FASTKD2: variants seen among roughly 807,000 people sequenced by gnomAD.
FASTKD2 encodes the protein FAST kinase domains 2, also known as FAST kinase domain-containing protein 2, mitochondrial.
A neutral mutation model predicts 63.6 loss-of-function variants in FASTKD2; 51 were observed. The ratio of observed to expected loss-of-function variants is 0.80; its 90% CI spans 0.64 to 1.01. The LOEUF (loss-of-function observed/expected upper bound fraction) is 1.01. FASTKD2 is among the 50% of genes least tolerant of loss of function. The pLI is 0.00. For synonymous variants in FASTKD2, 284 were observed against 293.4 expected, an observed-to-expected ratio of 0.97 and a Z score of 0.33; for missense variants, 786 against 831.1, an observed-to-expected ratio of 0.95 and a Z score of 0.67.
intron 10 of FASTKD2, 184 bp from the exon 11 acceptor site, chr2:206,790,388 A>G (rs1355860939): frequency 3.5e-6 from 2 of 570,232 alleles, no homozygotes; most frequent in African/African-American, 3.8e-5. Flanking sequence ...TTTGATTTAT[A>G]AAGTAGCCTT....
At chr2:206,774,688 GTTTAT>G (rs1206813796) in intron 7 of FASTKD2, among the ~76,000 whole-genome samples, 3 of 151,972 alleles carry the variant, frequency 2.0e-5, no homozygotes, top group Non-Finnish European at 4.4e-5. Flanking sequence ...TAAGTTCATA[GTTTAT>G]TTTAACTGTA....
At chr2:206,773,207 A>AG (rs1288397467) in intron 6 of FASTKD2, among the ~76,000 whole-genome samples, 2 of 147,798 alleles carry the variant, frequency 1.4e-5, no homozygotes, top group Admixed American at 6.8e-5. Flanking sequence ...CCCAGCTACT[A>AG]GGGGGGCTGA....
At chr2:206,788,762 AAAAG>A (rs951759597) in intron 9 of FASTKD2, 53 bp from the exon 10 acceptor site, 75 of 901,656 alleles carry the variant, frequency 8.3e-5, no homozygotes, top group East Asian at 6.3e-4. Context: ...AAAGAAAAGA[AAAAG>A]AAAGTCACTT....
Position 206,793,039 on chromosome 2 carries a change from C to T in FASTKD2, c.*1237C>T, listed in dbSNP as rs1442637672. On this transcript the variant is annotated 3_prime_UTR_variant, in exon 12 of 12. Transcript: ENST00000402774. ...GAGGTCAAGACAATCCTGGCCAACACGGTGAAACCCCATCTCTACTAAAAT... is the reference window on the plus strand; with the variant it reads ...GAGGTCAAGACAATCCTGGCCAACATGGTGAAACCCCATCTCTACTAAAAT... Among the ~76,000 whole-genome samples, 2 of 151,818 alleles carry T rather than the reference C, an allele frequency of 1.3e-5. No individual in the cohort carries two copies. The highest frequency in any genetic ancestry group is 2.4e-5 in the African/African-American group (1 of 41,312).
chr2:206,770,705 G>T (rs1419493883), intron 3 of FASTKD2, among the ~76,000 whole-genome samples: 2 of 150,016 alleles, frequency 1.3e-5, no homozygotes, highest in Non-Finnish European at 3.0e-5. Context: ...ACTCCAGCCT[G>T]GGCAACAGAG....
intron 6 of FASTKD2, among the ~76,000 whole-genome samples, chr2:206,773,790 A>C (rs1689750125): frequency 6.6e-6 from 1 of 152,122 alleles, no homozygotes; most frequent in Non-Finnish European, 1.5e-5. Context: ...TAAATATAGA[A>C]ATTTTGGGGT....
chr2:206,777,297 G>A (rs1399624500), intron 7 of FASTKD2, among the ~76,000 whole-genome samples: 1 of 152,120 alleles, frequency 6.6e-6, no homozygotes, highest in African/African-American at 2.4e-5. Context: ...CGAATATGAT[G>A]TTAGCTATGG....
intron 7 of FASTKD2, chr2:206,786,508 G>A (rs553561836): frequency 5.9e-6 from 3 of 509,072 alleles, no homozygotes; most frequent in Non-Finnish European, 1.1e-5. Flanking sequence ...GTTTTTTAGT[G>A]TGAGTTAAAT....
chr2:206,766,973 GGCATAA>G lies in FASTKD2; in HGVS notation c.284_289del (p.Ile95_Ser96del), dbSNP rs756692703. 4.3e-6 allele frequency: 7 copies of G among 1,611,752 alleles called. No homozygotes were observed. In the South Asian group the frequency reaches 7.7e-5, roughly 18 times the overall value. On this transcript the variant is annotated inframe_deletion, in exon 2 of 12. Transcript: ENST00000402774. The stretch of plus-strand genomic sequence containing the variant: ...ATCAGATGTTGGCTTTCAAACAAAG[GGCATAA>G]GCACTCTAACAGCCCTTAGAATTGA...
rs1304002801 is a variant in FASTKD2, at chr2:206,795,205, C to T, written c.*3403C>T. Among the ~76,000 whole-genome samples, 1 of 152,198 alleles carries T rather than the reference C, an allele frequency of 6.6e-6. No individual in the cohort carries two copies. The highest frequency in any genetic ancestry group is 1.5e-5 in the Non-Finnish European group (1 of 68,036). Reference sequence around the variant, plus strand: ...GTGTGGAGCTTCCTGGCCAGGAGGGCAGTGGCTGCCCAGAAGGCAGGAGAT... The same window carrying T: ...GTGTGGAGCTTCCTGGCCAGGAGGGTAGTGGCTGCCCAGAAGGCAGGAGAT... On this transcript the variant is annotated 3_prime_UTR_variant, in exon 12 of 12. Transcript: ENST00000402774.
chr2:206,791,606 C>T (rs1690287523), intron 11 of FASTKD2, 77 bp from the exon 12 acceptor site: 2 of 1,360,348 alleles, frequency 1.5e-6, no homozygotes, highest in South Asian at 1.2e-5. Context: ...TGTTACTTTA[C>T]TATGTTTGGA....
In FASTKD2 at chr2:206,772,162, AT is replaced by A. The variant is rs1186641636; in HGVS notation, c.1115-16del. 6.2e-7 allele frequency: 1 copy of A among 1,609,064 alleles called. No homozygotes were observed. The highest frequency in any genetic ancestry group is 8.5e-7 in the Non-Finnish European group (1 of 1,175,550). On this transcript the variant is annotated intron_variant, in intron 5 of 11. Coordinates refer to ENST00000402774, the MANE Select transcript of FASTKD2 (RefSeq NM_001136193.2). The stretch of plus-strand genomic sequence containing the variant: ...ACAATCAGGTAATTTTTGTTTGTTT[AT>A]TTAACTCATTCTTCAAGATAATATC...
chr2:206,771,892 A>G lies in FASTKD2; in HGVS notation c.991-2A>G, dbSNP rs774891673. 5.1e-5 allele frequency: 82 copies of G among 1,595,406 alleles called. No homozygotes were observed. The highest frequency in any genetic ancestry group is 6.6e-5 in the South Asian group (6 of 90,604). ...TTAAATTAAAATTTGTTTTTTCTTT[A>G]GATGAAAGCCTTGAGGGAATTAGAC... On this transcript the variant is annotated splice_acceptor_variant, in intron 4 of 11. Transcript: ENST00000402774. LOFTEE classifies it high-confidence loss of function.
chr2:206,789,118 G>T, intron 10 of FASTKD2: 1 of 533,936 alleles, frequency 1.9e-6, no homozygotes, highest in Non-Finnish European at 3.3e-6. Flanking sequence ...GTCATTTAAT[G>T]AGACAGACAT....
At chr2:206,787,236 A>G (rs1690160976) in intron 8 of FASTKD2, among the ~76,000 whole-genome samples, 1 of 152,134 alleles carries the variant, frequency 6.6e-6, no homozygotes, top group African/African-American at 2.4e-5. Context: ...CCTAATCCTT[A>G]CTTATCACAT....
rs990057691 is a variant in FASTKD2, at chr2:206,791,900, C to T, written c.*98C>T. ...AATGGAATTGAGCTATCTGCTAAGA[C>T]AAAAAATGTTACCTCAGTTCACTAT... On this transcript the variant is annotated 3_prime_UTR_variant, in exon 12 of 12. Transcript: ENST00000402774. 1.2e-5 allele frequency: 13 copies of T among 1,097,092 alleles called. No individual in the cohort carries two copies. The highest frequency in any genetic ancestry group is 2.5e-5 in the East Asian group (1 of 40,204). The allele number at this position is 1,097,092 out of a possible 1,614,324, so 68.0% of individuals were successfully genotyped here.
At chr2:206,781,537 A>C (rs762990537) in intron 7 of FASTKD2, among the ~76,000 whole-genome samples, 1 of 151,702 alleles carries the variant, frequency 6.6e-6, no homozygotes, top group South Asian at 2.1e-4. Flanking sequence ...GCTGGTCTAC[A>C]ACTCCTGACC....
chr2:206,784,092 G>C (rs1184315619), intron 7 of FASTKD2, among the ~76,000 whole-genome samples: 1 of 152,226 alleles, frequency 6.6e-6, no homozygotes, highest in African/African-American at 2.4e-5. Flanking sequence ...CAATATGGCA[G>C]ATATAGCAAG....
intron 7 of FASTKD2, among the ~76,000 whole-genome samples, chr2:206,779,932 A>G (rs1286164882): frequency 6.6e-6 from 1 of 152,046 alleles, no homozygotes; most frequent in African/African-American, 2.4e-5. Context: ...TGTGGTTACC[A>G]TGGGTCTTAC....
Sources: allele counts gnomAD v4.1 joint callset (sites outside exome capture counted in the v4.1 genomes callset), GRCh38; gene constraint gnomAD v4.1.1; transcripts MANE v1.5; gene names NCBI Gene and HGNC (gene_info 2026-07-23, HGNC 2026-07-21).